Variants in DDX46 observed in about 807,000 individuals in gnomAD.
DDX46 encodes the protein probable ATP-dependent RNA helicase DDX46.
A neutral mutation model predicts 134.9 loss-of-function variants in DDX46; 30 were observed. The ratio of observed to expected loss-of-function variants is 0.22; its 90% CI spans 0.17 to 0.30. The LOEUF is 0.30. DDX46 is among the 10% of genes least tolerant of loss of function. The pLI, the probability that DDX46 is intolerant of heterozygous loss-of-function variation, is 1.00. For synonymous variants in DDX46, 415 were observed against 404.1 expected (o/e 1.03, Z -0.32); for missense variants, 622 against 1,248.7 (o/e 0.50, Z 7.56).
chr5:134,771,097 TTCTTTCTTTTCTGTCTG>T, intron 4 of DDX46, 98 bp downstream of exon 4: 1 of 591,730 alleles, frequency 1.7e-6, no homozygotes, highest in Non-Finnish European at 2.9e-6. Flanking sequence ...TTCTCTTTCT[TTCTTTCTTTTCTGTCTG>T]TCTTTCTTTC....
chr5:134,813,796 GT>G (rs886937184), intron 18 of DDX46, among the ~76,000 whole-genome samples: 50 of 144,198 alleles, frequency 3.5e-4, no homozygotes, highest in Middle Eastern at 3.5e-3. Context: ...ATTTTAAAAT[GT>G]TTTTTTTTTT....
intron 15 of DDX46, among the ~76,000 whole-genome samples, chr5:134,799,316 CTTTT>C (rs569120916): frequency 6.9e-6 from 1 of 144,676 alleles, no homozygotes; most frequent in African/African-American, 2.5e-5. Flanking sequence ...ACTTGTTTCA[CTTTT>C]TTTTTTTTTC....
In DDX46 at chr5:134,788,668, C is replaced by T. The variant is rs543805989; in HGVS notation, c.1543+77C>T. ...TTTTTGTTAAAACAGATGCAAGAAA[C>T]CAACAAAGGGTTTCTATATTTCTTC... On this transcript the variant is annotated intron_variant, in intron 12 of 22. Transcript: ENST00000452510. 9.8e-4 allele frequency: 1,249 copies of T among 1,276,262 alleles called. 4 individuals carry two copies. Among genetic ancestry groups the T allele is most frequent in the Non-Finnish European group, 1.4e-3 (1,210 of 885,254 alleles). 79.1% of individuals were successfully genotyped at this position (1,276,262 alleles called of 1,614,324 possible).
At chr5:134,810,184 A>AT (rs538906427) in intron 16 of DDX46, among the ~76,000 whole-genome samples, 7 of 151,752 alleles carry the variant, frequency 4.6e-5, no homozygotes, top group Non-Finnish European at 8.8e-5. Flanking sequence ...AAGTGCTGGG[A>AT]TTACAGGTGT....
chr5:134,779,343 A>G (rs1182424836), intron 6 of DDX46, among the ~76,000 whole-genome samples: 2 of 149,526 alleles, frequency 1.3e-5, no homozygotes, highest in Non-Finnish European at 1.5e-5. Context: ...ACAGGCGCCC[A>G]CCACCATGCC....
At chr5:134,796,328 G>C (rs1242300410) in intron 15 of DDX46, among the ~76,000 whole-genome samples, 178 bp downstream of exon 15, 1 of 152,154 alleles carries the variant, frequency 6.6e-6, no homozygotes, top group African/African-American at 2.4e-5. Context: ...AGAGAAAGAA[G>C]ATCATACAGG....
At chr5:134,791,128 T>G (rs1754490730) in intron 13 of DDX46, among the ~76,000 whole-genome samples, 1 of 152,270 alleles carries the variant, frequency 6.6e-6, no homozygotes, top group Admixed American at 6.5e-5. Flanking sequence ...CATTGTCTTT[T>G]TAAATAAATT....
intron 21 of DDX46, among the ~76,000 whole-genome samples, chr5:134,819,978 A>G (rs754780625): frequency 5.3e-5 from 8 of 151,782 alleles, no homozygotes; most frequent in East Asian, 1.9e-4. Context: ...CTGGAGTGCA[A>G]TAGCGCGATC....
chr5:134,807,722 T>G lies in DDX46; in HGVS notation c.1955-26T>G. The G allele has an allele frequency of 1.3e-6, 2 of 1,590,886 alleles. 1 individual carries two copies. The highest frequency in any genetic ancestry group is 3.4e-4 in the Middle Eastern group (2 of 5,826). The stretch of plus-strand genomic sequence containing the variant: ...CATGGAAAATTTAATTTGAACATGT[T>G]TTAAAGCTCTCTAATTTACTTGCAG... On this transcript the variant is annotated intron_variant, in intron 15 of 22. Transcript: ENST00000452510.
intron 21 of DDX46, among the ~76,000 whole-genome samples, chr5:134,821,748 G>A (rs973874146): frequency 4.6e-5 from 7 of 150,670 alleles, no homozygotes; most frequent in African/African-American, 1.7e-4. Context: ...GTAGACATGG[G>A]GTTTCACCAT....
intron 1 of DDX46, among the ~76,000 whole-genome samples, chr5:134,760,794 A>G (rs1297068652): frequency 1.3e-5 from 2 of 151,812 alleles, no homozygotes; most frequent in Non-Finnish European, 2.9e-5. Context: ...CAGTGGTGGG[A>G]TCTCGGCTCA....
At chr5:134,770,277 C>T (rs1226251695) in intron 3 of DDX46, among the ~76,000 whole-genome samples, 1 of 149,066 alleles carries the variant, frequency 6.7e-6, no homozygotes, top group Non-Finnish European at 1.5e-5. Flanking sequence ...GTGATGGGAT[C>T]ATAGCTGACT....
At chr5:134,811,074 T>C in intron 16 of DDX46, 147 bp from the exon 17 acceptor site, 1 of 616,918 alleles carries the variant, frequency 1.6e-6, no homozygotes, top group Non-Finnish European at 2.7e-6. Context: ...TTAAGTAATT[T>C]AGTAAGACTC....
chr5:134,774,042 G>A (rs1753857961), intron 5 of DDX46, among the ~76,000 whole-genome samples, 181 bp downstream of exon 5: 1 of 152,038 alleles, frequency 6.6e-6, no homozygotes, highest in Non-Finnish European at 1.5e-5. Context: ...TTGTGCAGTC[G>A]TTACCACTGT....
chr5:134,783,589 G>A lies in DDX46; in HGVS notation c.1166+524G>A, dbSNP rs553548747. Among the ~76,000 whole-genome samples the A allele has an allele frequency of 6.0e-5, 6 of 100,388 alleles. No homozygotes were observed. The South Asian group carries it at 2.4e-3, about 41-fold the overall frequency. The allele number at this position is 100,388 out of a possible 152,430, so 65.9% of individuals were successfully genotyped here. A position where few individuals can be genotyped will look rare whatever the true frequency, so the allele number is the denominator to read the frequency against. On this transcript the variant is annotated intron_variant, in intron 9 of 22. Transcript: ENST00000452510. ...TTTGAGACGGAGTTTCACTCTCGTT[G>A]CCCAGGCTGGAGTGCTGTGGCTCGA...
At chr5:134,827,892 T>C (rs1197818470) in intron 22 of DDX46, among the ~76,000 whole-genome samples, 1 of 152,220 alleles carries the variant, frequency 6.6e-6, no homozygotes, top group African/African-American at 2.4e-5. Context: ...GGTATATACC[T>C]CGGAGTAGAA....
intron 21 of DDX46, among the ~76,000 whole-genome samples, chr5:134,822,059 A>G (rs566872498): frequency 2.6e-5 from 4 of 151,344 alleles, no homozygotes; most frequent in Non-Finnish European, 4.4e-5. Flanking sequence ...TTTTATTTTT[A>G]GTAGAGATGG....
At chr5:134,806,698 G>A (rs191323173) in intron 15 of DDX46, among the ~76,000 whole-genome samples, 6 of 151,992 alleles carry the variant, frequency 3.9e-5, no homozygotes, top group African/African-American at 7.3e-5. Context: ...AATTATTTAC[G>A]TGCTAAACAG....
In DDX46 at chr5:134,811,304, A is replaced by G. The variant is rs768773411; in HGVS notation, c.2232A>G (p.Ala744=). The change falls in exon 17 of 23, where the codon GCA becomes GCG. Residue 744 remains alanine, a synonymous_variant. Coordinates refer to ENST00000452510, the MANE Select transcript of DDX46 (RefSeq NM_001300860.2). ...IIKALELSGT[A]VPPDLEKLWS... is the part of the protein sequence containing the mutation. ...AAGCTCTTGAATTGTCAGGGACTGC[A>G]GTACCTCCTGATTTAGAGAAACTGT... The G allele has an allele frequency of 1.2e-6, 2 of 1,614,112 alleles. No individual in the cohort carries two copies. Among genetic ancestry groups the G allele is most frequent in the South Asian group, 1.1e-5 (1 of 91,088 alleles).
Sources: gnomAD v4.1 joint callset for allele counts (sites outside exome capture counted in the v4.1 genomes callset) on GRCh38, gnomAD v4.1.1 for gene constraint, MANE v1.5 for transcripts, NCBI Gene and HGNC (gene_info 2026-07-23, HGNC 2026-07-21) for gene names.